Variants in NRG3 observed in about 807,000 individuals in gnomAD.
NRG3 encodes neuregulin 3.
A neutral mutation model predicts 66.9 loss-of-function variants in NRG3; 31 were observed. The observed-to-expected ratio is 0.46, with a 90% CI of 0.35 to 0.63. NRG3 has a LOEUF of 0.63. Among genes scored for constraint, NRG3 ranks in the 20% least tolerant of loss-of-function variants. The pLI, the probability that NRG3 is intolerant of heterozygous loss-of-function variation, is 0.00. For synonymous variants in NRG3, 393 were observed against 359.4 expected, an observed-to-expected ratio of 1.09 and a Z score of -1.06; for missense variants, 910 against 878.9, an observed-to-expected ratio of 1.04 and a Z score of -0.45.
intron 3 of NRG3, among the ~76,000 whole-genome samples, chr10:82,814,082 C>A (rs369262095): frequency 6.6e-6 from 1 of 152,210 alleles, no homozygotes. Context: ...TCTTTGCAGG[C>A]TTTATCAGGA....
intron 1 of NRG3, among the ~76,000 whole-genome samples, chr10:82,272,224 GA>G (rs552324107): frequency 3.9e-5 from 6 of 152,024 alleles, no homozygotes; most frequent in African/African-American, 1.4e-4. Flanking sequence ...GATGAAGCAA[GA>G]AAAAAATGTG....
At chr10:82,791,308 TTG>T (rs199756208) in intron 3 of NRG3, among the ~76,000 whole-genome samples, 19 of 151,922 alleles carry the variant, frequency 1.3e-4, no homozygotes, top group African/African-American at 4.6e-4. Flanking sequence ...TGTTTTTTTT[TTG>T]GTTTTTTTTT....
chr10:82,827,837 G>A (rs1165428407), intron 3 of NRG3, among the ~76,000 whole-genome samples: 1 of 152,280 alleles, frequency 6.6e-6, no homozygotes, highest in East Asian at 1.9e-4. Flanking sequence ...GATTCCTTTT[G>A]TTGCGCTGAA....
At chr10:82,030,153 C>T (rs1201707805) in intron 1 of NRG3, among the ~76,000 whole-genome samples, 1 of 152,058 alleles carries the variant, frequency 6.6e-6, no homozygotes, top group Non-Finnish European at 1.5e-5. Flanking sequence ...TGAGGCTGAT[C>T]ATTCTCCATA....
intron 1 of NRG3, chr10:81,889,044 A>T (rs547753896): frequency 2.6e-5 from 4 of 152,308 alleles, no homozygotes; most frequent in African/African-American, 7.2e-5. Context: ...TAGTTTATCC[A>T]TAGTCGCATC....
intron 4 of NRG3, among the ~76,000 whole-genome samples, chr10:82,880,799 G>T (rs1842235833): frequency 6.6e-6 from 1 of 152,160 alleles, no homozygotes; most frequent in Non-Finnish European, 1.5e-5. Context: ...TTTGTGTATT[G>T]CATGAGGTGT....
At chr10:82,931,239 T>G (rs1847548419) in intron 4 of NRG3, among the ~76,000 whole-genome samples, 1 of 152,222 alleles carries the variant, frequency 6.6e-6, no homozygotes, top group South Asian at 2.1e-4. Context: ...AATAGAAAGC[T>G]TACCAACTTT....
In NRG3 at chr10:82,838,577, T is replaced by C. The variant is rs539800766; in HGVS notation, c.1028-26834T>C. Among the ~76,000 whole-genome samples, 41 of 152,282 alleles carry C rather than the reference T, an allele frequency of 2.7e-4. 1 individual carries two copies. Among genetic ancestry groups the C allele is most frequent in the African/African-American group, 9.6e-4 (40 of 41,572 alleles). Reference sequence around the variant, plus strand: ...AAATTGAGTTGTGGTGTAAAATGTATAACTTCTTGCTACATAGCTGATTGT... The same window carrying C: ...AAATTGAGTTGTGGTGTAAAATGTACAACTTCTTGCTACATAGCTGATTGT... On this transcript the variant is annotated intron_variant, in intron 3 of 8. Coordinates refer to ENST00000372141, the MANE Select transcript of NRG3 (RefSeq NM_001010848.4).
intron 8 of NRG3, 122 bp from the exon 9 acceptor site, chr10:82,984,976 C>A: frequency 7.5e-7 from 1 of 1,325,980 alleles, no homozygotes; most frequent in Non-Finnish European, 1.1e-6. Context: ...TATTATCCGT[C>A]TCATGGGGTT....
At position 82,287,701 on chromosome 10, in the gene NRG3, C is replaced by T. The variant is rs1589599642; in HGVS notation, c.824-71038C>T. Reference sequence around the variant, plus strand: ...GGTAGACTCAAATTCAAGCTGTGTTCTGGGTTCAGGCTGGCACAGATTAAA... The same window carrying T: ...GGTAGACTCAAATTCAAGCTGTGTTTTGGGTTCAGGCTGGCACAGATTAAA... On this transcript the variant is annotated intron_variant, in intron 1 of 8. Coordinates refer to ENST00000372141, the MANE Select transcript of NRG3 (RefSeq NM_001010848.4). Among the ~76,000 whole-genome samples, 4 of 152,210 alleles carry T rather than the reference C, an allele frequency of 2.6e-5. 1 individual carries two copies. In the South Asian group the frequency reaches 8.3e-4, roughly 32 times the overall value.
At chr10:82,427,456 C>G (rs2089521527) in intron 2 of NRG3, among the ~76,000 whole-genome samples, 1 of 151,910 alleles carries the variant, frequency 6.6e-6, no homozygotes, top group Non-Finnish European at 1.5e-5. Flanking sequence ...TATATTTGTC[C>G]TTTAGTCTAT....
chr10:81,975,478 C>T (rs1466122880), intron 1 of NRG3, among the ~76,000 whole-genome samples: 1 of 151,986 alleles, frequency 6.6e-6, no homozygotes, highest in Non-Finnish European at 1.5e-5. Flanking sequence ...GGTTAGAGTG[C>T]AAGTAAATCA....
intron 4 of NRG3, among the ~76,000 whole-genome samples, chr10:82,927,276 A>C (rs1051579120): frequency 6.6e-6 from 1 of 152,236 alleles, no homozygotes; most frequent in Non-Finnish European, 1.5e-5. Context: ...AATTCAAAAA[A>C]ATACTTAAAA....
chr10:81,950,023 AG>A (rs1213691782), intron 1 of NRG3, among the ~76,000 whole-genome samples: 1 of 152,162 alleles, frequency 6.6e-6, no homozygotes, highest in Non-Finnish European at 1.5e-5. Context: ...ATTAACCAGA[AG>A]CCCTCCTGCT....
At chr10:82,723,120 C>T (rs1591313306) in intron 2 of NRG3, among the ~76,000 whole-genome samples, 1 of 152,152 alleles carries the variant, frequency 6.6e-6, no homozygotes, top group African/African-American at 2.4e-5. Flanking sequence ...TAATATACAT[C>T]ATGGAATACT....
rs189380427 is a variant in NRG3 at position 82,020,085 on chromosome 10, A to G, written c.823+143922A>G. Among the ~76,000 whole-genome samples the G allele has an allele frequency of 1.4e-4, 21 of 152,224 alleles. No individual in the cohort carries two copies. In the East Asian group the frequency reaches 3.1e-3, roughly 22 times the overall value. On this transcript the variant is annotated intron_variant, in intron 1 of 8. Coordinates refer to ENST00000372141, the MANE Select transcript of NRG3 (RefSeq NM_001010848.4). ...CTCTTGTGGGCATTTACTGCTATAA[A>G]TTTCTAAAGGCTTTCAAAGTAAAAA...
intron 1 of NRG3, among the ~76,000 whole-genome samples, chr10:82,049,790 G>A (rs567832225): frequency 1.3e-5 from 2 of 151,930 alleles, no homozygotes; most frequent in East Asian, 1.9e-4. Context: ...GTAGCCCAGA[G>A]CTCAGTTTAA....
At chr10:82,801,388 G>T (rs1000495373) in intron 3 of NRG3, among the ~76,000 whole-genome samples, 20 of 152,130 alleles carry the variant, frequency 1.3e-4, no homozygotes, top group African/African-American at 4.3e-4. Flanking sequence ...GCAAGATAGT[G>T]TTAGAAAAAC....
intron 1 of NRG3, among the ~76,000 whole-genome samples, chr10:81,905,904 A>G (rs1162723398): frequency 6.6e-6 from 1 of 152,232 alleles, no homozygotes; most frequent in African/African-American, 2.4e-5. Flanking sequence ...AGGAAGCAGC[A>G]CTGTACAAAT....
Sources: allele counts gnomAD v4.1 joint callset (sites outside exome capture counted in the v4.1 genomes callset), GRCh38; gene constraint gnomAD v4.1.1; transcripts MANE v1.5; gene names NCBI Gene and HGNC (gene_info 2026-07-23, HGNC 2026-07-21).